Variants in RBPJ observed in about 807,000 individuals in gnomAD.
RBPJ encodes recombination signal binding protein for immunoglobulin kappa J region, also known as recombining binding protein suppressor of hairless.
A neutral mutation model predicts 67.8 loss-of-function variants in RBPJ; 9 were observed. The ratio of observed to expected loss-of-function variants is 0.13; its 90% CI spans 0.08 to 0.23. The LOEUF is 0.23. Among genes scored for constraint, RBPJ ranks in the 10% least tolerant of loss-of-function variants. The pLI, the probability that RBPJ is intolerant of heterozygous loss-of-function variation, is 1.00. For synonymous variants in RBPJ, 198 were observed against 203.3 expected, an observed-to-expected ratio of 0.97 and a Z score of 0.22; for missense variants, 305 against 595.6, an observed-to-expected ratio of 0.51 and a Z score of 5.08.
intron 1 of RBPJ, among the ~76,000 whole-genome samples, chr4:26,346,012 A>G (rs1346164658): frequency 6.6e-6 from 1 of 152,120 alleles, no homozygotes; most frequent in Non-Finnish European, 1.5e-5. Context: ...TCCCATTGGA[A>G]ATTAAAACAC....
chr4:26,215,402 G>GAAGGGAGAGA (rs779927576), intron 1 of RBPJ, among the ~76,000 whole-genome samples: 1 of 108,558 alleles, frequency 9.2e-6, no homozygotes, highest in Non-Finnish European at 1.8e-5. Context: ...AGGAAGGAAG[G>GAAGGGAGAGA]GGGGGGAAGG....
the RBPJ span, among the ~76,000 whole-genome samples, chr4:26,127,908 A>G: frequency 1.3e-5 from 2 of 152,194 alleles, no homozygotes; most frequent in African/African-American, 2.4e-5. Flanking sequence ...AGAGGGAAAC[A>G]TGCCACCCAT....
At chr4:26,137,096 G>A in the RBPJ span, among the ~76,000 whole-genome samples, 1 of 152,218 alleles carries the variant, frequency 6.6e-6, no homozygotes, top group Non-Finnish European at 1.5e-5. Flanking sequence ...GTTCCCAGGT[G>A]TAATTTCCCC....
At chr4:26,325,188 T>TA (rs147687396) in intron 1 of RBPJ, among the ~76,000 whole-genome samples, 5,922 of 152,294 alleles carry the variant, frequency 0.039, 172 homozygotes, top group Non-Finnish European at 0.063. Flanking sequence ...TTTTTCCTTC[T>TA]AAAAAATCTC....
At chr4:26,134,906 C>G in the RBPJ span, among the ~76,000 whole-genome samples, 141,596 of 152,146 alleles carry the variant, frequency 0.93, 66,787 homozygotes, top group East Asian at 1. Context: ...ATGGCATGAA[C>G]GACCATCATC....
intron 1 of RBPJ, among the ~76,000 whole-genome samples, chr4:26,364,215 T>G (rs1362930800): frequency 2.6e-5 from 4 of 152,238 alleles, no homozygotes. Context: ...TTTGGTATGT[T>G]AGCAGTTATA....
upstream of RBPJ, among the ~76,000 whole-genome samples, chr4:26,161,358 T>G (rs1169276956): frequency 6.6e-6 from 1 of 152,242 alleles, no homozygotes; most frequent in African/African-American, 2.4e-5. Flanking sequence ...TACTTGATTT[T>G]AGGTGATATG....
At chr4:26,228,912 G>A (rs952440162) in intron 1 of RBPJ, among the ~76,000 whole-genome samples, 2 of 152,094 alleles carry the variant, frequency 1.3e-5, no homozygotes, top group African/African-American at 2.4e-5. Flanking sequence ...TCCTTGTTTC[G>A]GGCCTGACTT....
chr4:26,146,716 A>G, the RBPJ span, among the ~76,000 whole-genome samples: 3 of 152,204 alleles, frequency 2.0e-5, no homozygotes, highest in Admixed American at 6.5e-5. Context: ...AAAATATCCA[A>G]CAGTGATTCC....
intron 1 of RBPJ, among the ~76,000 whole-genome samples, chr4:26,351,715 A>G (rs368904380): frequency 8.5e-5 from 13 of 152,360 alleles, no homozygotes; most frequent in African/African-American, 2.9e-4. Context: ...ACAATACAGG[A>G]CAATGGTATC....
At chr4:26,125,103 C>G in the RBPJ span, among the ~76,000 whole-genome samples, 1 of 152,304 alleles carries the variant, frequency 6.6e-6, no homozygotes, top group East Asian at 1.9e-4. Context: ...ACATCTCTTC[C>G]CTTTAAGGAC....
intron 1 of RBPJ, among the ~76,000 whole-genome samples, chr4:26,385,726 A>G (rs575196416): frequency 6.6e-6 from 1 of 151,668 alleles, no homozygotes; most frequent in East Asian, 1.9e-4. Context: ...ACATTTTTAA[A>G]ATGAAGCCTA....
chr4:26,361,660 T>G (rs1159114067), intron 1 of RBPJ, among the ~76,000 whole-genome samples: 2 of 152,176 alleles, frequency 1.3e-5, no homozygotes, highest in African/African-American at 4.8e-5. Context: ...ATGAATATAT[T>G]TATTGATCAG....
At chr4:26,150,890 A>T in the RBPJ span, among the ~76,000 whole-genome samples, 1 of 152,248 alleles carries the variant, frequency 6.6e-6, no homozygotes, top group Admixed American at 6.5e-5. Flanking sequence ...TCAGTATGCC[A>T]TGCAGCATCA....
At chr4:26,111,041 C>G in the RBPJ span, among the ~76,000 whole-genome samples, 6 of 152,310 alleles carry the variant, frequency 3.9e-5, no homozygotes, top group South Asian at 8.3e-4. Context: ...TCCCTCTTCC[C>G]CCATGAGAAG....
intron 4 of RBPJ, among the ~76,000 whole-genome samples, chr4:26,416,893 G>A (rs1030521596): frequency 6.6e-6 from 1 of 152,138 alleles, no homozygotes; most frequent in Non-Finnish European, 1.5e-5. Context: ...TATAGTTTTT[G>A]TAAGTAAGAT....
chr4:26,251,132 T>C (rs753372184), intron 1 of RBPJ, among the ~76,000 whole-genome samples: 1 of 152,212 alleles, frequency 6.6e-6, no homozygotes, highest in Non-Finnish European at 1.5e-5. Context: ...TAACCAAATA[T>C]TACCAACCAA....
intron 1 of RBPJ, among the ~76,000 whole-genome samples, chr4:26,365,607 T>G (rs1021324866): frequency 1.3e-5 from 2 of 152,252 alleles, no homozygotes; most frequent in Admixed American, 1.3e-4. Context: ...TATCCACATT[T>G]ATGTGGATAT....
chr4:26,392,878 A>G (rs1438018070), intron 2 of RBPJ, among the ~76,000 whole-genome samples: 1 of 152,226 alleles, frequency 6.6e-6, no homozygotes, highest in Non-Finnish European at 1.5e-5. Context: ...AAATATTCTG[A>G]AAGGGATTAG....
Sources: gnomAD v4.1 joint callset for allele counts (sites outside exome capture counted in the v4.1 genomes callset) on GRCh38, gnomAD v4.1.1 for gene constraint, MANE v1.5 for transcripts, NCBI Gene and HGNC (gene_info 2026-07-23, HGNC 2026-07-21) for gene names.